FANCM: variants seen among roughly 807,000 people sequenced by gnomAD.
FANCM encodes the protein Fanconi anemia group M protein.
FANCM carries 140 observed loss-of-function variants against 199.5 expected under a neutral mutation model. The observed-to-expected ratio is 0.70, with a 90% CI of 0.61 to 0.81. The LOEUF (loss-of-function observed/expected upper bound fraction) is 0.81, where lower values mean the gene tolerates loss of function less well. Ranked by LOEUF, FANCM falls within the 30% of genes least tolerant of loss-of-function variation. FANCM has a pLI of 0.00. For synonymous variants in FANCM, 840 were observed against 836.8 expected, an observed-to-expected ratio of 1.00 and a Z score of -0.07; for missense variants, 2,410 against 2,421.4, an observed-to-expected ratio of 1.00 and a Z score of 0.10.
At position 45,163,898 on chromosome 14, in the gene FANCM, T is replaced by C. The variant is rs1048440987; in HGVS notation, c.1582-461T>C. Among the ~76,000 whole-genome samples, 5 of 152,320 alleles carry C rather than the reference T, an allele frequency of 3.3e-5. No homozygotes were observed. In the South Asian group the frequency reaches 1.0e-3, roughly 32 times the overall value. ...CATAATCTCTTTTGGCTTATATTGC[T>C]AGTTGGTTGCTTCTTTTCCTATTCT... On this transcript the variant is annotated intron_variant, in intron 9 of 22. Transcript: ENST00000267430.
At chr14:45,152,587 G>T (rs928696030) in intron 5 of FANCM, among the ~76,000 whole-genome samples, 1 of 152,174 alleles carries the variant, frequency 6.6e-6, no homozygotes, top group African/African-American at 2.4e-5. Context: ...ACACAAAAAA[G>T]GGCACCGAGT....
chr14:45,137,368 A>C, intron 2 of FANCM, 127 bp downstream of exon 2: 1 of 731,994 alleles, frequency 1.4e-6, no homozygotes, highest in Non-Finnish European at 2.4e-6. Flanking sequence ...CTATTATCTC[A>C]GAACAGATGG....
At chr14:45,156,916 CAAAA>C (rs535786477) in intron 8 of FANCM, among the ~76,000 whole-genome samples, 4 of 47,802 alleles carry the variant, frequency 8.4e-5, no homozygotes, top group Admixed American at 4.6e-4. Context: ...GACTCTGTCT[CAAAA>C]AAAAAAAAAA....
chr14:45,191,634 G>A (rs896605982), intron 20 of FANCM, among the ~76,000 whole-genome samples: 1 of 152,182 alleles, frequency 6.6e-6, no homozygotes, highest in Non-Finnish European at 1.5e-5. Flanking sequence ...GGGATCAGTA[G>A]GGCTTAGTGG....
intron 8 of FANCM, among the ~76,000 whole-genome samples, chr14:45,158,136 T>C (rs1191830028): frequency 6.6e-6 from 1 of 152,168 alleles, no homozygotes; most frequent in Admixed American, 6.5e-5. Flanking sequence ...AGGTCGAAGC[T>C]GTAGTGAGCC....
intron 6 of FANCM, among the ~76,000 whole-genome samples, chr14:45,154,424 T>G (rs1887042483): frequency 6.6e-6 from 1 of 151,168 alleles, no homozygotes; most frequent in South Asian, 2.1e-4. Context: ...AAAGACATAT[T>G]AAAGAGTTTG....
Position 45,176,356 on chromosome 14 carries a change from T to C in FANCM, c.3602T>C (p.Phe1201Ser). The C allele has an allele frequency of 6.2e-7, 1 of 1,613,536 alleles. No homozygotes were observed. Among genetic ancestry groups the C allele is most frequent in the African/African-American group, 1.3e-5 (1 of 75,058 alleles). The change falls in exon 14 of 23, where the codon TTT (phenylalanine) becomes TCT (serine). Residue 1201 changes from phenylalanine (F) to serine (S), a missense_variant. Physicochemically the swap from Phe to Ser is radical, Grantham distance 155 (BLOSUM62 -2). Coordinates refer to ENST00000267430, the MANE Select transcript of FANCM (RefSeq NM_020937.4). ...QDQITRDANS[F>S]KSRDQRGVQE... Reference sequence around the variant, plus strand: ...CAAATCACCCGTGATGCTAATAGTTTTAAATCTCGTGATCAGAGAGGTGTA... The same window carrying C: ...CAAATCACCCGTGATGCTAATAGTTCTAAATCTCGTGATCAGAGAGGTGTA...
At chr14:45,195,284 G>A (rs958817663) in intron 20 of FANCM, among the ~76,000 whole-genome samples, 1 of 152,038 alleles carries the variant, frequency 6.6e-6, no homozygotes, top group African/African-American at 2.4e-5. Flanking sequence ...TAAGGTTTTT[G>A]TGGATCACAC....
intron 3 of FANCM, among the ~76,000 whole-genome samples, chr14:45,141,424 T>C (rs955302065): frequency 1.3e-5 from 2 of 151,594 alleles, no homozygotes; most frequent in African/African-American, 4.8e-5. Context: ...ACTACAACAT[T>C]TCCTACAACC....
chr14:45,161,790 A>C (rs1024857896), intron 9 of FANCM, among the ~76,000 whole-genome samples: 2 of 152,244 alleles, frequency 1.3e-5, no homozygotes, highest in African/African-American at 4.8e-5. Context: ...AAAAGAAAAA[A>C]AAATCATGCT....
chr14:45,150,621 A>T (rs567482956), intron 4 of FANCM, among the ~76,000 whole-genome samples: 2 of 152,282 alleles, frequency 1.3e-5, no homozygotes, highest in South Asian at 4.1e-4. Flanking sequence ...AGAACCTCAC[A>T]TGGTAGACAT....
At chr14:45,148,338 A>G (rs1886577285) in intron 3 of FANCM, among the ~76,000 whole-genome samples, 1 of 152,072 alleles carries the variant, frequency 6.6e-6, no homozygotes, top group African/African-American at 2.4e-5. Context: ...TACAGAATAC[A>G]ACAGATTATA....
Position 45,200,313 on chromosome 14 carries a change from C to T in FANCM, c.*305C>T, listed in dbSNP as rs1428380654. ...CTAGAGATATACTTTGGAATGTTTC[C>T]CAAAATTAAAGTTGTACTGTTGTGA... On this transcript the variant is annotated 3_prime_UTR_variant, in exon 23 of 23. Transcript: ENST00000267430. 1.2e-5 allele frequency: 2 copies of T among 160,872 alleles called. No homozygotes were observed. Among genetic ancestry groups the T allele is most frequent in the African/African-American group, 2.4e-5 (1 of 41,510 alleles). 10.0% of individuals were successfully genotyped at this position (160,872 alleles called of 1,614,324 possible). A position where few individuals can be genotyped will look rare whatever the true frequency, so the allele number is the denominator to read the frequency against.
chr14:45,166,534 C>A lies in FANCM; in HGVS notation c.1789-416C>A, dbSNP rs73340692. Among the ~76,000 whole-genome samples, 14 of 152,146 alleles carry A rather than the reference C, an allele frequency of 9.2e-5. 1 individual carries two copies. The highest frequency in any genetic ancestry group is 3.4e-4 in the African/African-American group (14 of 41,506). On this transcript the variant is annotated intron_variant, in intron 10 of 22. Transcript: ENST00000267430. ...GTGACTCACGCCTGTAATTTCAGCA[C>A]CTTGGGAGGCCAAAGCTGGAGGATC...
At chr14:45,158,259 T>C (rs1318682129) in intron 8 of FANCM, among the ~76,000 whole-genome samples, 2 of 152,140 alleles carry the variant, frequency 1.3e-5, no homozygotes, top group Admixed American at 6.5e-5. Context: ...AATTACTATA[T>C]GTGCAAAACT....
intron 20 of FANCM, among the ~76,000 whole-genome samples, chr14:45,190,877 G>A (rs1429480708): frequency 6.6e-6 from 1 of 152,150 alleles, no homozygotes; most frequent in African/African-American, 2.4e-5. Flanking sequence ...AAAATCCCAA[G>A]ATGAGTTCTT....
At position 45,167,041 on chromosome 14, in the gene FANCM, G is replaced by C. The variant is rs777379515; in HGVS notation, c.1880G>C (p.Arg627Pro). 1.5e-5 allele frequency: 24 copies of C among 1,611,824 alleles called. No individual in the cohort carries two copies. Among genetic ancestry groups the C allele is most frequent in the Admixed American group, 1.7e-5 (1 of 59,990 alleles). Residue 627 changes from arginine (R) to proline (P), a missense_variant, in exon 11 of 23, where the codon CGA becomes CCA. Transcript: ENST00000267430. ...CTTCATTTTTACCAAAGAAGTCCAC[G>C]AATGGTTCCTGATGGAATCAACCCA... ...QVLHFYQRSPRMVPDGINPKL... is the reference protein window; with the variant it reads ...QVLHFYQRSPPMVPDGINPKL...
chr14:45,173,015 G>GTA, intron 12 of FANCM, 40 bp from the exon 13 acceptor site: 1 of 1,441,180 alleles, frequency 6.9e-7, no homozygotes, highest in East Asian at 2.3e-5. Context: ...TGAAATCTCA[G>GTA]TATGTTTTCA....
In FANCM at chr14:45,188,786, T is replaced by C. The variant is rs981677198; in HGVS notation, c.4780-16T>C. Reference sequence around the variant, plus strand: ...GTCTGAAATAAATATAAAACATTCTTGTGTTTTTATTGTAGATTCCTGAAC... The same window carrying C: ...GTCTGAAATAAATATAAAACATTCTCGTGTTTTTATTGTAGATTCCTGAAC... On this transcript the variant is annotated splice_polypyrimidine_tract_variant and intron_variant, in intron 19 of 22. Coordinates refer to ENST00000267430, the MANE Select transcript of FANCM (RefSeq NM_020937.4). 6.4e-7 allele frequency: 1 copy of C among 1,553,442 alleles called. No homozygotes were observed. The highest frequency in any genetic ancestry group is 1.1e-5 in the South Asian group (1 of 89,616).
Sources: gnomAD v4.1 joint callset for allele counts (sites outside exome capture counted in the v4.1 genomes callset) on GRCh38, gnomAD v4.1.1 for gene constraint, MANE v1.5 for transcripts, NCBI Gene and HGNC (gene_info 2026-07-23, HGNC 2026-07-21) for gene names.